Variants in HHAT observed in about 807,000 individuals in gnomAD.
The protein encoded by HHAT is protein-cysteine N-palmitoyltransferase HHAT.
HHAT carries 47 observed loss-of-function variants against 70.8 expected under a neutral mutation model. The observed-to-expected ratio is 0.66, with a 90% CI of 0.53 to 0.85. The LOEUF (loss-of-function observed/expected upper bound fraction) is 0.85. Ranked by LOEUF, HHAT falls within the 40% of genes least tolerant of loss-of-function variation. HHAT has a pLI of 0.00. For missense variants in HHAT, 609 were observed against 604.8 expected, an observed-to-expected ratio of 1.01 and a Z score of -0.07; for synonymous variants, 228 against 247.6, an observed-to-expected ratio of 0.92 and a Z score of 0.74.
At chr1:210,444,321 T>C (rs2148370302) in intron 7 of HHAT, among the ~76,000 whole-genome samples, 1 of 135,454 alleles carries the variant, frequency 7.4e-6, no homozygotes, top group East Asian at 2.2e-4. Flanking sequence ...TTTTGTTGTG[T>C]CTCTGCCTCG....
chr1:210,386,058 A>C (rs1426791395), intron 3 of HHAT, among the ~76,000 whole-genome samples: 1 of 152,000 alleles, frequency 6.6e-6, no homozygotes. Flanking sequence ...ACCTTCTGCA[A>C]AAAAGAGTTT....
intron 7 of HHAT, among the ~76,000 whole-genome samples, chr1:210,420,422 G>A (rs915053737): frequency 5.9e-5 from 9 of 152,058 alleles, no homozygotes; most frequent in African/African-American, 2.2e-4. Context: ...TTTTTTACAG[G>A]GTTTTGCTAT....
At chr1:210,668,940 A>AT (rs1182437102) in intron 11 of HHAT, among the ~76,000 whole-genome samples, 2 of 151,814 alleles carry the variant, frequency 1.3e-5, no homozygotes, top group Non-Finnish European at 2.9e-5. Context: ...CACCCCGCTA[A>AT]TTTTTTGTAT....
chr1:210,500,490 C>T (rs2094732171), intron 8 of HHAT, among the ~76,000 whole-genome samples: 1 of 152,158 alleles, frequency 6.6e-6, no homozygotes, highest in Non-Finnish European at 1.5e-5. Context: ...TTTCCTGAAG[C>T]TCTGGGTATC....
intron 6 of HHAT, among the ~76,000 whole-genome samples, chr1:210,413,873 C>T (rs1423048277): frequency 6.6e-6 from 1 of 152,208 alleles, no homozygotes. Flanking sequence ...GATCCATTTA[C>T]AGCAATGTAT....
At chr1:210,639,472 G>A (rs916863756) in intron 11 of HHAT, among the ~76,000 whole-genome samples, 8 of 152,170 alleles carry the variant, frequency 5.3e-5, no homozygotes, top group African/African-American at 1.9e-4. Context: ...GTAAACAGAT[G>A]GATGCATAGA....
chr1:210,594,558 TTCTA>T (rs1224950848), intron 10 of HHAT, among the ~76,000 whole-genome samples: 3 of 152,204 alleles, frequency 2.0e-5, no homozygotes, highest in African/African-American at 7.2e-5. Flanking sequence ...GTTTTAGTCT[TTCTA>T]CTCAATATAT....
In HHAT at chr1:210,535,519, C is replaced by A. The variant is rs188281459; in HGVS notation, c.1043+22331C>A. The stretch of plus-strand genomic sequence containing the variant: ...TGATTCTCTGGACATTGGCTAGAAT[C>A]CCTTTGGATGGGGGAGAAAGATCAG... On this transcript the variant is annotated intron_variant, in intron 9 of 11. Coordinates refer to ENST00000261458, the MANE Select transcript of HHAT (RefSeq NM_018194.6). 1.5e-4 allele frequency among the ~76,000 whole-genome samples: 23 copies of A among 151,682 alleles called. No homozygotes were observed. The East Asian group carries it at 4.5e-3, about 29-fold the overall frequency.
At chr1:210,565,341 T>G (rs953579219) in intron 9 of HHAT, among the ~76,000 whole-genome samples, 2 of 152,206 alleles carry the variant, frequency 1.3e-5, no homozygotes, top group Non-Finnish European at 2.9e-5. Flanking sequence ...ACAGGCATCC[T>G]CAGTATTAGG....
chr1:210,370,062 C>T (rs1285981651), intron 3 of HHAT, among the ~76,000 whole-genome samples: 1 of 151,864 alleles, frequency 6.6e-6, no homozygotes, highest in Admixed American at 6.6e-5. Flanking sequence ...TCTTCTCTCT[C>T]TGCATACACA....
At chr1:210,400,944 G>C (rs925060138) in intron 5 of HHAT, among the ~76,000 whole-genome samples, 3 of 152,230 alleles carry the variant, frequency 2.0e-5, no homozygotes, top group Non-Finnish European at 4.4e-5. Context: ...CACAGGGCCA[G>C]AGGGTCAGGA....
At chr1:210,470,921 AC>A (rs748440433) in intron 8 of HHAT, among the ~76,000 whole-genome samples, 2 of 152,152 alleles carry the variant, frequency 1.3e-5, no homozygotes, top group Non-Finnish European at 2.9e-5. Flanking sequence ...TGGAGCTGGA[AC>A]CCTGTACCTT....
In HHAT at chr1:210,660,368, G is replaced by C. The variant is rs1029430875; in HGVS notation, c.1391-13920G>C. On this transcript the variant is annotated intron_variant, in intron 11 of 11. Transcript: ENST00000261458. ...AATCCAACTTACAAGGGATGTGAAG[G>C]ACCCCTTCAAGGAGAACTACAAACC... Among the ~76,000 whole-genome samples the C allele has an allele frequency of 2.0e-5, 3 of 152,106 alleles. No individual in the cohort carries two copies. The East Asian group carries it at 5.8e-4, about 29-fold the overall frequency.
At chr1:210,482,496 T>G (rs2094412302) in intron 8 of HHAT, among the ~76,000 whole-genome samples, 1 of 152,192 alleles carries the variant, frequency 6.6e-6, no homozygotes, top group Non-Finnish European at 1.5e-5. Flanking sequence ...ACTCCCTTCA[T>G]TGTTTGTCTG....
intron 8 of HHAT, among the ~76,000 whole-genome samples, chr1:210,471,918 CT>C (rs1257155103): frequency 6.6e-6 from 1 of 152,184 alleles, no homozygotes; most frequent in Non-Finnish European, 1.5e-5. Flanking sequence ...TGACAGATCT[CT>C]TGAATTTACT....
At chr1:210,383,623 A>G (rs113526584) in intron 3 of HHAT, among the ~76,000 whole-genome samples, 2,866 of 152,296 alleles carry the variant, frequency 0.019, 36 homozygotes, top group Non-Finnish European at 0.03. Context: ...GAACCCGAAT[A>G]TAAACCATGG....
chr1:210,388,380 T>A (rs2091232391), intron 4 of HHAT, among the ~76,000 whole-genome samples: 1 of 152,174 alleles, frequency 6.6e-6, no homozygotes, highest in Admixed American at 6.5e-5. Flanking sequence ...CTCTGGAGAT[T>A]GAGACCAGAA....
intron 4 of HHAT, among the ~76,000 whole-genome samples, chr1:210,399,243 T>C (rs1196412774): frequency 6.6e-6 from 1 of 152,154 alleles, no homozygotes; most frequent in African/African-American, 2.4e-5. Context: ...ATGAAGGAGA[T>C]ATTGTTATTA....
chr1:210,528,824 C>A (rs138869665), intron 9 of HHAT, among the ~76,000 whole-genome samples: 124 of 152,260 alleles, frequency 8.1e-4, no homozygotes, highest in African/African-American at 3.0e-3. Flanking sequence ...GCATACCCTG[C>A]CGTCTGTAGA....
Sources: allele counts gnomAD v4.1 joint callset (sites outside exome capture counted in the v4.1 genomes callset), GRCh38; gene constraint gnomAD v4.1.1; transcripts MANE v1.5; gene names NCBI Gene and HGNC (gene_info 2026-07-23, HGNC 2026-07-21).